The following DOCK4 variants were observed in gnomAD, a reference collection of about 807,000 sequenced individuals.
DOCK4 encodes the protein dedicator of cytokinesis 4.
In DOCK4, 97 loss-of-function variants were observed where a neutral mutation model predicts 268.1. That is an observed-to-expected ratio of 0.36 (90% CI 0.31 to 0.43). The LOEUF (loss-of-function observed/expected upper bound fraction) is 0.43. DOCK4 is among the 20% of genes least tolerant of loss of function. The pLI, the probability that DOCK4 is intolerant of heterozygous loss-of-function variation, is 1.00. For synonymous variants in DOCK4, 954 were observed against 887.2 expected (o/e 1.08, Z -1.34); for missense variants, 2,145 against 2,455.7 (o/e 0.87, Z 2.67).
At chr7:111,943,364 C>G (rs1259268634) in intron 10 of DOCK4, among the ~76,000 whole-genome samples, 2 of 152,222 alleles carry the variant, frequency 1.3e-5, no homozygotes, top group Non-Finnish European at 2.9e-5. Context: ...GGCACATACT[C>G]ACTTTGCTGC....
At chr7:112,181,172 A>C (rs527659890) in intron 1 of DOCK4, among the ~76,000 whole-genome samples, 1 of 152,306 alleles carries the variant, frequency 6.6e-6, no homozygotes, top group African/African-American at 2.4e-5. Flanking sequence ...TGGGAATATA[A>C]AATGATACAG....
At chr7:111,900,265 TTTTTACAAAAGTAATCAACTTAAGA>T in intron 15 of DOCK4, 84 bp downstream of exon 15, 1 of 1,320,372 alleles carries the variant, frequency 7.6e-7, no homozygotes, top group Non-Finnish European at 1.0e-6. Flanking sequence ...AACAAACTGA[TTTTTACAAAAGTAATCAACTTAAGA>T]TCAACCCACA....
chr7:111,754,894 T>C (rs1796918138), intron 42 of DOCK4, among the ~76,000 whole-genome samples: 1 of 152,186 alleles, frequency 6.6e-6, no homozygotes, highest in Admixed American at 6.5e-5. Context: ...TACGCTGCCA[T>C]CCTTTCTACT....
chr7:112,032,453 G>A (rs1225587319), intron 1 of DOCK4, among the ~76,000 whole-genome samples: 1 of 152,118 alleles, frequency 6.6e-6, no homozygotes, highest in African/African-American at 2.4e-5. Flanking sequence ...CTATAATGAT[G>A]TTTCACATAA....
At chr7:111,900,654 C>A (rs998567539) in intron 14 of DOCK4, 118 bp from the exon 15 acceptor site, 31 of 1,063,008 alleles carry the variant, frequency 2.9e-5, no homozygotes, top group Non-Finnish European at 4.0e-5. Flanking sequence ...GAAATTACCT[C>A]GCTGGGCCTT....
At chr7:112,115,825 T>A (rs549886753) in intron 1 of DOCK4, among the ~76,000 whole-genome samples, 1 of 152,262 alleles carries the variant, frequency 6.6e-6, no homozygotes, top group African/African-American at 2.4e-5. Context: ...GGACTACAGG[T>A]ACAAGTCAAA....
chr7:112,071,766 A>G (rs1235702136), intron 1 of DOCK4, among the ~76,000 whole-genome samples: 1 of 152,224 alleles, frequency 6.6e-6, no homozygotes, highest in East Asian at 1.9e-4. Flanking sequence ...CAGAGGAAAA[A>G]CTAAAAGTAC....
In DOCK4 at chr7:112,007,913, T is replaced by C. The variant is rs753373691; in HGVS notation, c.38-3782A>G. Among the ~76,000 whole-genome samples the C allele has an allele frequency of 6.4e-4, 98 of 152,296 alleles. 1 individual carries two copies. Among genetic ancestry groups the C allele is most frequent in the Middle Eastern group, 6.8e-3 (2 of 294 alleles). On this transcript the variant is annotated intron_variant, in intron 1 of 52. Transcript: ENST00000428084. ...AAATACATCTATAATTGAAAATGCA[T>C]TGTCACCAGTTATTATAAAGTAGCT...
chr7:111,751,704 C>CAA (rs1170769885), intron 42 of DOCK4, among the ~76,000 whole-genome samples: 4 of 152,110 alleles, frequency 2.6e-5, no homozygotes, highest in Non-Finnish European at 5.9e-5. Flanking sequence ...CCTGGCCTCC[C>CAA]AAAGTGTTGG....
intron 1 of DOCK4, among the ~76,000 whole-genome samples, chr7:112,084,445 G>A (rs955472112): frequency 9.2e-5 from 14 of 152,182 alleles, no homozygotes; most frequent in African/African-American, 2.9e-4. Context: ...TTAGCAGCAT[G>A]ATACATGGAT....
chr7:112,180,668 G>C (rs1818946158), intron 1 of DOCK4, among the ~76,000 whole-genome samples: 1 of 152,186 alleles, frequency 6.6e-6, no homozygotes, highest in South Asian at 2.1e-4. Context: ...ATATATGTCT[G>C]AATGAGGCAC....
At chr7:111,783,401 T>C (rs1449304605) in intron 34 of DOCK4, among the ~76,000 whole-genome samples, 7 of 151,960 alleles carry the variant, frequency 4.6e-5, no homozygotes, top group Admixed American at 3.3e-4. Context: ...ATAAAAAACA[T>C]AGGTCTATGG....
At chr7:111,995,151 C>A (rs1799835348) in intron 4 of DOCK4, among the ~76,000 whole-genome samples, 1 of 151,780 alleles carries the variant, frequency 6.6e-6, no homozygotes, top group African/African-American at 2.4e-5. Context: ...CCTGCCTTGG[C>A]CTCCCGAGTA....
intron 12 of DOCK4, among the ~76,000 whole-genome samples, chr7:111,922,727 G>A (rs546794440): frequency 9.2e-5 from 14 of 152,190 alleles, no homozygotes; most frequent in Middle Eastern, 3.4e-3. Flanking sequence ...GACTACAGGC[G>A]TGCGCCACCA....
At chr7:112,164,991 G>C (rs1817463900) in intron 1 of DOCK4, among the ~76,000 whole-genome samples, 1 of 152,138 alleles carries the variant, frequency 6.6e-6, no homozygotes, top group Non-Finnish European at 1.5e-5. Context: ...AAACTGCCTA[G>C]TTAATATTAA....
intron 1 of DOCK4, among the ~76,000 whole-genome samples, chr7:112,007,734 T>C (rs949790048): frequency 2.0e-5 from 3 of 152,192 alleles, no homozygotes; most frequent in African/African-American, 7.2e-5. Flanking sequence ...AAAACCAGTT[T>C]AGCAAAGCAG....
chr7:111,784,004 C>T (rs1798979349), intron 33 of DOCK4, 52 bp from the exon 34 acceptor site: 2 of 1,569,236 alleles, frequency 1.3e-6, no homozygotes, highest in Non-Finnish European at 1.7e-6. Context: ...TATCAGTCAC[C>T]ATGACAACCA....
intron 27 of DOCK4, chr7:111,819,527 T>A (rs1801819235): frequency 6.6e-6 from 1 of 152,114 alleles, no homozygotes; most frequent in Non-Finnish European, 1.5e-5. Context: ...ATATTAGGCA[T>A]GCAGTAGAAA....
At chr7:112,081,071 T>C (rs1056141459) in intron 1 of DOCK4, among the ~76,000 whole-genome samples, 2 of 152,066 alleles carry the variant, frequency 1.3e-5, no homozygotes, top group African/African-American at 4.8e-5. Context: ...GAGGCTGACA[T>C]CTGAGAAGAC....
Sources: gnomAD v4.1 joint callset for allele counts (sites outside exome capture counted in the v4.1 genomes callset) on GRCh38, gnomAD v4.1.1 for gene constraint, MANE v1.5 for transcripts, NCBI Gene and HGNC (gene_info 2026-07-23, HGNC 2026-07-21) for gene names.